The following PKHD1L1 variants were observed in gnomAD, a reference collection of about 807,000 sequenced individuals.
PKHD1L1 encodes PKHD1 like 1.
Under a neutral mutation model 462.9 loss-of-function variants are expected in PKHD1L1, and 434 were observed. The ratio of observed to expected loss-of-function variants is 0.94; its 90% confidence interval spans 0.87 to 1.02. PKHD1L1 has a LOEUF of 1.02. PKHD1L1 is among the 50% of genes least tolerant of loss of function. PKHD1L1 has a pLI of 0.00. For missense variants in PKHD1L1, 5,202 were observed against 5,096.1 expected (o/e 1.02, Z -0.63); for synonymous variants, 1,781 against 1,750.0 (o/e 1.02, Z -0.44).
At chr8:109,529,656 A>G (rs1382273520) in intron 77 of PKHD1L1, among the ~76,000 whole-genome samples, 1 of 151,568 alleles carries the variant, frequency 6.6e-6, no homozygotes, top group African/African-American at 2.4e-5. Context: ...TTTTCCAGAT[A>G]AGAAGATTAA....
chr8:109,396,111 A>T lies in PKHD1L1; in HGVS notation c.896A>T (p.Asp299Val). 6.2e-7 allele frequency: 1 copy of T among 1,608,554 alleles called. No individual in the cohort carries two copies. Among genetic ancestry groups the T allele is most frequent in the Non-Finnish European group, 8.5e-7 (1 of 1,177,618 alleles). Residue 299 changes from aspartate to valine, a missense_variant, in exon 11 of 78, where the codon GAT (aspartate) becomes GTT (valine). By Grantham distance (152) the Asp-to-Val change is radical. Transcript: ENST00000378402. ...TISGRFFDQTDFPVRVLVGGE... is the reference protein window; with the variant it reads ...TISGRFFDQTVFPVRVLVGGE... ...AGTGGGCGTTTCTTTGATCAGACAG[A>T]TTTCCCCGTCAGAGTTCTAGTTGGA... is the stretch of plus-strand genomic sequence containing the variant.
intron 62 of PKHD1L1, 84 bp from the exon 63 acceptor site, chr8:109,493,577 A>G (rs914252097): frequency 2.8e-6 from 2 of 713,776 alleles, no homozygotes; most frequent in Non-Finnish European, 4.2e-6. Context: ...GGTTTTCATA[A>G]GTGTATTGTC....
At chr8:109,438,046 C>T (rs1165069676) in intron 30 of PKHD1L1, among the ~76,000 whole-genome samples, 1 of 152,048 alleles carries the variant, frequency 6.6e-6, no homozygotes, top group South Asian at 2.1e-4. Flanking sequence ...AGCATCTCAA[C>T]AATATTGTAG....
At chr8:109,416,738 C>A (rs536803858) in intron 21 of PKHD1L1, among the ~76,000 whole-genome samples, 64 of 152,248 alleles carry the variant, frequency 4.2e-4, no homozygotes, top group African/African-American at 1.5e-3. Context: ...CCAGCCCTGC[C>A]TCTGTTAGGT....
chr8:109,449,336 A>G lies in PKHD1L1; in HGVS notation c.6026-2A>G. The G allele has an allele frequency of 1.9e-6, 3 of 1,567,892 alleles. No individual in the cohort carries two copies. Among genetic ancestry groups the G allele is most frequent in the Non-Finnish European group, 2.6e-6 (3 of 1,155,086 alleles). On this transcript the variant is annotated splice_acceptor_variant, in intron 39 of 77. Coordinates refer to ENST00000378402, the MANE Select transcript of PKHD1L1 (RefSeq NM_177531.6). LOFTEE classifies it high-confidence loss of function. ...TTTTTCCTTTTTATTTGTCTTCACT[A>G]GGGAGCTTTGGTGGGGGTCAAACCA... is the stretch of plus-strand genomic sequence containing the variant.
In PKHD1L1 at chr8:109,405,095, A is replaced by G; in HGVS notation, c.1634A>G (p.Tyr545Cys). 6.6e-7 allele frequency: 1 copy of G among 1,505,338 alleles called. No individual in the cohort carries two copies. Among genetic ancestry groups the G allele is most frequent in the Non-Finnish European group, 9.1e-7 (1 of 1,102,362 alleles). The allele number at this position is 1,505,338 out of a possible 1,614,324, so 93.2% of individuals were successfully genotyped here. The change falls in exon 16 of 78, where the codon TAC becomes TGC. Residue 545 changes from tyrosine (Y) to cysteine (C), a missense_variant. Physicochemically the swap from Tyr to Cys is radical, Grantham distance 194. This residue lies in a region of PKHD1L1 where 4,497 missense variants were observed against 4,336.8 expected (regional missense o/e 1.04). Transcript: ENST00000378402. ...PCVEANSCSL[Y>C]QYRLIYNMEK... ...GTGGAAGCTAATTCATGTTCACTTT[A>G]CCAATATAGATTAATCTATAATATG...
rs774520443 is a variant in PKHD1L1 at position 109,425,174 on chromosome 8, T to C, written c.2787T>C (p.Ala929=). 1 of 1,610,336 alleles carries C rather than the reference T, an allele frequency of 6.2e-7. No individual in the cohort carries two copies. Among genetic ancestry groups the C allele is most frequent in the Admixed American group, 1.7e-5 (1 of 59,246 alleles). ...AAATTCATATTCAAAGAATTCAAGC[T>C]GCATCTCCACCTCTAAGTGGCAGCT... ...ESKIHIQRIQ[A]ASPPLSGSFD... The change falls in exon 24 of 78, where the codon GCT becomes GCC. Residue 929 remains alanine (A), a synonymous_variant. Coordinates refer to ENST00000378402, the MANE Select transcript of PKHD1L1 (RefSeq NM_177531.6).
Position 109,518,323 on chromosome 8 carries a change from A to G in PKHD1L1, c.11846A>G (p.Glu3949Gly), listed in dbSNP as rs1461239204. 1.2e-6 allele frequency: 2 copies of G among 1,613,460 alleles called. No individual in the cohort carries two copies. The highest frequency in any genetic ancestry group is 1.7e-6 in the Non-Finnish European group (2 of 1,179,536). The change falls in exon 73 of 78, where the codon GAA (glutamate) becomes GGA (glycine). Residue 3949 changes from glutamate to glycine, a missense_variant. Glu to Gly is a moderately conservative substitution (Grantham distance 98, BLOSUM62 -2). Coordinates refer to ENST00000378402, the MANE Select transcript of PKHD1L1 (RefSeq NM_177531.6). ...TCTTTCCAATTATCTGTTGCAACAG[A>G]AGATGACTTTTATACCTCTCACAAT... ...FVSFQLSVATEDDFYTSHNLV... is the reference protein window; with the variant it reads ...FVSFQLSVATGDDFYTSHNLV...
chr8:109,529,847 A>G (rs1243460057), intron 77 of PKHD1L1, among the ~76,000 whole-genome samples: 2 of 152,120 alleles, frequency 1.3e-5, no homozygotes, highest in African/African-American at 2.4e-5. Flanking sequence ...TATATTTTAA[A>G]TGTGTATTTT....
At position 109,464,639 on chromosome 8, in the gene PKHD1L1, C is replaced by G; in HGVS notation, c.7807C>G (p.Gln2603Glu). 1 of 1,612,524 alleles carries G rather than the reference C, an allele frequency of 6.2e-7. No individual in the cohort carries two copies. Among genetic ancestry groups the G allele is most frequent in the South Asian group, 1.1e-5 (1 of 91,068 alleles). ...DGPSYDRNIC[Q>E]KRVPLGEFFN... Reference sequence around the variant, plus strand: ...GCCATCCTATGACAGAAACATTTGTCAAAAAAGAGTTCCCCTTGGCGAATT... The same window carrying G: ...GCCATCCTATGACAGAAACATTTGTGAAAAAAGAGTTCCCCTTGGCGAATT... Residue 2603 changes from glutamine (Q) to glutamate (E), a missense_variant, in exon 49 of 78, where the codon CAA (glutamine) becomes GAA (glutamate). This residue lies in a region of PKHD1L1 where 4,497 missense variants were observed against 4,336.8 expected (regional missense o/e 1.04). Transcript: ENST00000378402.
In PKHD1L1 at chr8:109,483,024, T is replaced by C. The variant is rs376033549; in HGVS notation, c.9495T>C (p.His3165=). ...AGCTGGATCTTCATGGAATTCCACA[T>C]TCAATATATAAAACTAAGCTCTCAG... ...FGELDLHGIP[H]SIYKTKLSET... Residue 3165 remains histidine, a synonymous_variant, in exon 57 of 78, where the codon CAT becomes CAC. Coordinates refer to ENST00000378402, the MANE Select transcript of PKHD1L1 (RefSeq NM_177531.6). 1.3e-6 allele frequency: 2 copies of C among 1,596,410 alleles called. No homozygotes were observed. The highest frequency in any genetic ancestry group is 1.4e-5 in the African/African-American group (1 of 73,640).
chr8:109,447,959 C>A (rs1816245840), intron 38 of PKHD1L1, among the ~76,000 whole-genome samples, 184 bp from the exon 39 acceptor site: 1 of 152,056 alleles, frequency 6.6e-6, no homozygotes, highest in South Asian at 2.1e-4. Context: ...AATTAATATA[C>A]AGTAGACTGT....
At chr8:109,398,147 G>A (rs114590964) in intron 11 of PKHD1L1, among the ~76,000 whole-genome samples, 1,659 of 151,938 alleles carry the variant, frequency 0.011, 35 homozygotes, top group African/African-American at 0.037. Flanking sequence ...CAAAATATAA[G>A]TTTTTACTTT....
In PKHD1L1 at chr8:109,450,959, G is replaced by C. The variant is rs180769087; in HGVS notation, c.6176-16G>C. ...CCGATGGCAGAACTGCATTCAGTCT[G>C]ATCTTCCTTTCATAGGCACGGGAGC... On this transcript the variant is annotated splice_polypyrimidine_tract_variant and intron_variant, in intron 40 of 77. Transcript: ENST00000378402. The C allele has an allele frequency of 2.4e-4, 379 of 1,581,942 alleles. No homozygotes were observed. Among genetic ancestry groups the C allele is most frequent in the Non-Finnish European group, 3.1e-4 (357 of 1,157,576 alleles).
intron 51 of PKHD1L1, 46 bp from the exon 52 acceptor site, chr8:109,476,462 G>A (rs1004968501): frequency 1.5e-5 from 19 of 1,231,846 alleles, no homozygotes; most frequent in Middle Eastern, 2.6e-4. Flanking sequence ...TGTGTTATAC[G>A]AAGAATATTA....
chr8:109,487,189 T>G (rs1818571388), intron 59 of PKHD1L1, among the ~76,000 whole-genome samples: 1 of 151,956 alleles, frequency 6.6e-6, no homozygotes, highest in Non-Finnish European at 1.5e-5. Context: ...TGAATCCCAA[T>G]GTACTAATCA....
intron 1 of PKHD1L1, 36 bp from the exon 2 acceptor site, chr8:109,364,511 T>C (rs1586352005): frequency 2.2e-6 from 3 of 1,395,118 alleles, no homozygotes; most frequent in Non-Finnish European, 3.0e-6. Context: ...AAGAACTTGG[T>C]GATTTTTACC....
Position 109,491,943 on chromosome 8 carries a change from C to T in PKHD1L1, c.10185C>T (p.Thr3395=). ...TTGCACTTTCGGTTTGGCCAGGAAC[C>T]TATCAGAACAGAAAAGATTTAAGTT... is the stretch of plus-strand genomic sequence containing the variant. The part of the protein sequence containing the change: ...NLIALSVWPG[T]YQNRKDLSST... The change falls in exon 62 of 78, where the codon ACC becomes ACT. Residue 3395 remains threonine (T), a synonymous_variant. Coordinates refer to ENST00000378402, the MANE Select transcript of PKHD1L1 (RefSeq NM_177531.6). The T allele has an allele frequency of 6.3e-7, 1 of 1,599,202 alleles. No individual in the cohort carries two copies. Among genetic ancestry groups the T allele is most frequent in the South Asian group, 1.1e-5 (1 of 89,200 alleles).
chr8:109,370,794 T>C (rs1811465570), intron 2 of PKHD1L1, among the ~76,000 whole-genome samples: 1 of 152,170 alleles, frequency 6.6e-6, no homozygotes, highest in Non-Finnish European at 1.5e-5. Flanking sequence ...TTGCTGAGAA[T>C]GATGGTTTCC....
Sources: allele counts gnomAD v4.1 joint callset (sites outside exome capture counted in the v4.1 genomes callset), GRCh38; gene constraint gnomAD v4.1.1; regional missense constraint gnomAD v4.1.1; transcripts MANE v1.5; gene names NCBI Gene and HGNC (gene_info 2026-07-23, HGNC 2026-07-21).